The following AVEN variants were observed in gnomAD, a reference collection of about 807,000 sequenced individuals.
AVEN encodes the protein cell death regulator Aven.
Under a neutral mutation model 38.1 loss-of-function variants are expected in AVEN, and 41 were observed. That is an observed-to-expected ratio of 1.08 (90% CI 0.84 to 1.40). AVEN has a LOEUF of 1.40. AVEN is among the 40% of genes most tolerant of loss of function. AVEN has a pLI of 0.00. For synonymous variants in AVEN, 206 were observed against 171.8 expected (o/e 1.20, Z -1.56); for missense variants, 605 against 438.8 (o/e 1.38, Z -3.38).
intron 2 of AVEN, among the ~76,000 whole-genome samples, chr15:33,932,834 C>CAAATAAATAAATAAAT (rs368767063): frequency 0.084 from 11,782 of 139,646 alleles, 542 homozygotes; most frequent in Non-Finnish European, 0.11. Flanking sequence ...ACAAAATAAA[C>CAAATAAATAAATAAAT]AAACAAATAA....
At chr15:33,901,975 A>C (rs777474763) in intron 2 of AVEN, among the ~76,000 whole-genome samples, 1 of 152,060 alleles carries the variant, frequency 6.6e-6, no homozygotes, top group Non-Finnish European at 1.5e-5. Context: ...TTGCCTTTCC[A>C]TTTTGTTGAC....
intron 2 of AVEN, among the ~76,000 whole-genome samples, chr15:33,890,503 A>G (rs188520860): frequency 6.6e-6 from 1 of 152,354 alleles, no homozygotes; most frequent in Non-Finnish European, 1.5e-5. Flanking sequence ...ATAAGGAAAC[A>G]GAGAAATAAG....
intron 5 of AVEN, 152 bp downstream of exon 5, chr15:33,867,343 A>G: frequency 8.8e-7 from 1 of 1,141,202 alleles, no homozygotes; most frequent in Non-Finnish European, 1.2e-6. Flanking sequence ...CTCAGGGGGA[A>G]GCAGAGACGT....
At chr15:33,916,817 A>G (rs903715511) in intron 2 of AVEN, among the ~76,000 whole-genome samples, 7 of 147,424 alleles carry the variant, frequency 4.7e-5, no homozygotes, top group East Asian at 2.0e-4. Flanking sequence ...GGTAATTTAG[A>G]AAAAAAAAAA....
intron 2 of AVEN, chr15:33,972,564 T>C (rs1341568127): frequency 6.6e-6 from 1 of 152,124 alleles, no homozygotes; most frequent in African/African-American, 2.4e-5. Flanking sequence ...CAAAGGACTG[T>C]CTTGAATTAG....
At chr15:33,894,922 G>T (rs989076718) in intron 2 of AVEN, among the ~76,000 whole-genome samples, 2 of 150,912 alleles carry the variant, frequency 1.3e-5, no homozygotes, top group Non-Finnish European at 3.0e-5. Context: ...TATATCCTTA[G>T]ATGGCAATTG....
intron 2 of AVEN, among the ~76,000 whole-genome samples, chr15:33,922,050 G>A (rs552783716): frequency 6.6e-6 from 1 of 152,064 alleles, no homozygotes; most frequent in African/African-American, 2.4e-5. Flanking sequence ...ACAATCCAAT[G>A]GTGTTTATTA....
chr15:33,869,207 G>A (rs1241322883), intron 4 of AVEN, among the ~76,000 whole-genome samples: 1 of 152,102 alleles, frequency 6.6e-6, no homozygotes, highest in Non-Finnish European at 1.5e-5. Flanking sequence ...GTGGGTGTCT[G>A]GCCTTGTTTT....
chr15:34,057,032 A>G (rs965901912), intron 5 of AVEN, among the ~76,000 whole-genome samples: 2 of 152,160 alleles, frequency 1.3e-5, no homozygotes, highest in African/African-American at 4.8e-5. Flanking sequence ...CAAAGCATCT[A>G]AAAGAGCCAG....
chr15:33,972,877 G>A (rs1306267580), intron 2 of AVEN, among the ~76,000 whole-genome samples: 8 of 152,156 alleles, frequency 5.3e-5, no homozygotes, highest in Non-Finnish European at 1.2e-4. Context: ...ATACAAAGAT[G>A]ATGTGTAAAA....
chr15:33,967,984 C>T (rs1895456472), intron 2 of AVEN, among the ~76,000 whole-genome samples: 1 of 146,788 alleles, frequency 6.8e-6, no homozygotes, highest in Non-Finnish European at 1.5e-5. Context: ...ATATTTAAAA[C>T]TCACAGTATA....
chr15:34,029,616 A>C (rs749671004), intron 1 of AVEN, among the ~76,000 whole-genome samples: 22 of 152,176 alleles, frequency 1.4e-4, no homozygotes, highest in Non-Finnish European at 2.6e-4. Flanking sequence ...AAAAGAAAAG[A>C]AGCAGCAAAA....
At chr15:33,931,875 A>C (rs2153051133) in intron 2 of AVEN, among the ~76,000 whole-genome samples, 1 of 152,354 alleles carries the variant, frequency 6.6e-6, no homozygotes, top group Middle Eastern at 3.4e-3. Flanking sequence ...ATAGCTCATC[A>C]GTCAAAACCA....
intron 5 of AVEN, among the ~76,000 whole-genome samples, chr15:34,049,650 C>G (rs1899858157): frequency 6.6e-6 from 1 of 152,192 alleles, no homozygotes; most frequent in African/African-American, 2.4e-5. Flanking sequence ...CCTAGCAAGT[C>G]AGGCCAACGT....
chr15:34,057,737 A>T (rs1900208843), intron 5 of AVEN, among the ~76,000 whole-genome samples: 1 of 152,194 alleles, frequency 6.6e-6, no homozygotes, highest in African/African-American at 2.4e-5. Context: ...TTCCAGCTTC[A>T]GTGAGCTATG....
intron 1 of AVEN, among the ~76,000 whole-genome samples, chr15:34,021,257 C>T (rs1322115111): frequency 6.6e-6 from 1 of 151,954 alleles, no homozygotes; most frequent in African/African-American, 2.4e-5. Context: ...CAGGCACACA[C>T]CACCCCACTC....
intron 2 of AVEN, among the ~76,000 whole-genome samples, chr15:33,985,363 A>T (rs1217332964): frequency 1.3e-5 from 2 of 150,772 alleles, no homozygotes; most frequent in Non-Finnish European, 1.5e-5. Context: ...GGGAAGGAAC[A>T]CTGAGCTGAG....
chr15:33,892,694 G>A (rs939357172), intron 2 of AVEN, among the ~76,000 whole-genome samples: 11 of 151,452 alleles, frequency 7.3e-5, no homozygotes, highest in East Asian at 5.8e-4. Context: ...AATTGTCTTG[G>A]CAATGTGGGC....
At chr15:33,917,110 T>C (rs1438409814) in intron 2 of AVEN, among the ~76,000 whole-genome samples, 2 of 151,904 alleles carry the variant, frequency 1.3e-5, no homozygotes, top group African/African-American at 4.8e-5. Flanking sequence ...AAGATGAGAT[T>C]TGGGTGGGGA....
Sources: gnomAD v4.1 joint callset for allele counts (sites outside exome capture counted in the v4.1 genomes callset) on GRCh38, gnomAD v4.1.1 for gene constraint, MANE v1.5 for transcripts, NCBI Gene and HGNC (gene_info 2026-07-23, HGNC 2026-07-21) for gene names.